Variants in SCAF8 observed in about 807,000 individuals in gnomAD.
SCAF8 encodes the protein SR-related CTD associated factor 8, also known as SR-related and CTD-associated factor 8.
Under a neutral mutation model 140.5 loss-of-function variants are expected in SCAF8, and 23 were observed. The observed-to-expected ratio is 0.16, with a 90% CI of 0.12 to 0.23. The LOEUF (loss-of-function observed/expected upper bound fraction) is 0.23. Ranked by LOEUF, SCAF8 falls within the 10% of genes least tolerant of loss-of-function variation. SCAF8 has a pLI of 1.00. For synonymous variants in SCAF8, 575 were observed against 528.9 expected (o/e 1.09, Z -1.20); for missense variants, 1,397 against 1,555.7 (o/e 0.90, Z 1.72).
rs773792042 is a variant in SCAF8 at position 154,832,820 on chromosome 6, C to G, written c.3241C>G (p.Arg1081Gly). Residue 1081 changes from arginine to glycine, a missense_variant, in exon 20 of 20, where the codon CGA (arginine) becomes GGA (glycine). Physicochemically the swap from Arg to Gly is moderately radical, Grantham distance 125. Transcript: ENST00000367178. Reference protein sequence around the residue: ...LVRPGIDHLGRRDHFGFNPEK... With the variant: ...LVRPGIDHLGGRDHFGFNPEK... The stretch of plus-strand genomic sequence containing the variant: ...GAGGCCAGGTATAGATCATCTTGGT[C>G]GAAGAGACCACTTTGGCTTTAATCC... 2 of 1,613,644 alleles carry G rather than the reference C, an allele frequency of 1.2e-6. No homozygotes were observed. The highest frequency in any genetic ancestry group is 4.5e-5 in the East Asian group (2 of 44,856).
chr6:154,758,507 C>T (rs903453121), intron 1 of SCAF8, among the ~76,000 whole-genome samples: 5 of 152,118 alleles, frequency 3.3e-5, no homozygotes, highest in African/African-American at 7.2e-5. Context: ...TTCATGCAGG[C>T]GTAATTCTAG....
intron 14 of SCAF8, 106 bp downstream of exon 14, chr6:154,818,698 TG>T (rs1778325667): frequency 2.0e-6 from 1 of 510,674 alleles, no homozygotes; most frequent in Non-Finnish European, 3.5e-6. Flanking sequence ...CTTCTTTTAT[TG>T]GATTATTAGA....
In SCAF8 at chr6:154,830,953, G is replaced by A. The variant is rs138080868; in HGVS notation, c.2172G>A (p.Pro724=). The A allele has an allele frequency of 7.4e-6, 12 of 1,613,850 alleles. No homozygotes were observed. The highest frequency in any genetic ancestry group is 2.7e-5 in the African/African-American group (2 of 74,880). The change falls in exon 19 of 20, where the codon CCG becomes CCA. Residue 724 remains proline, a synonymous_variant. Transcript: ENST00000367178. ...SLVQPSLSMT[P]ETVKDVGFGS... is the part of the protein sequence containing the mutation. ...TGCAGCCGTCATTATCCATGACACC[G>A]GAAACTGTGAAAGATGTTGGATTTG... is the stretch of plus-strand genomic sequence containing the variant.
intron 1 of SCAF8, among the ~76,000 whole-genome samples, chr6:154,768,003 A>G (rs117755875): frequency 9.2e-5 from 14 of 152,314 alleles, no homozygotes; most frequent in Non-Finnish European, 1.6e-4. Flanking sequence ...GTCTGTAGGT[A>G]TGCCTTTCTT....
chr6:154,785,782 T>G (rs565075808), intron 3 of SCAF8, among the ~76,000 whole-genome samples: 29 of 152,322 alleles, frequency 1.9e-4, no homozygotes, highest in African/African-American at 6.5e-4. Flanking sequence ...AGATGACAAC[T>G]TGGATGACAA....
rs1318395123 is a variant in SCAF8, at chr6:154,815,791, A to T, written c.1496A>T (p.Glu499Val). 6.2e-7 allele frequency: 1 copy of T among 1,611,676 alleles called. No individual in the cohort carries two copies. Among genetic ancestry groups the T allele is most frequent in the Admixed American group, 1.7e-5 (1 of 59,998 alleles). Residue 499 changes from glutamate (E) to valine (V), a missense_variant, in exon 13 of 20, where the codon GAG (glutamate) becomes GTG (valine). Glu to Val is a moderately radical substitution (Grantham distance 121). Around this residue, in one of 5 missense-constraint regions of SCAF8, gnomAD observed 59 missense variants for 110.7 expected, o/e 0.53. Coordinates refer to ENST00000367178, the MANE Select transcript of SCAF8 (RefSeq NM_014892.5). ...CAAGACTTAACCAACCTGTTTGAAG[A>T]GTTTGGACAGATTGAATCCATTAAT... ...TQQDLTNLFE[E>V]FGQIESINMI...
At chr6:154,801,019 C>T (rs1194650898) in intron 6 of SCAF8, among the ~76,000 whole-genome samples, 1 of 151,358 alleles carries the variant, frequency 6.6e-6, no homozygotes, top group Admixed American at 6.6e-5. Flanking sequence ...AAATTGGATG[C>T]TCCAGTGGTT....
At chr6:154,794,526 A>G (rs1169468638) in intron 5 of SCAF8, among the ~76,000 whole-genome samples, 1 of 152,052 alleles carries the variant, frequency 6.6e-6, no homozygotes, top group Non-Finnish European at 1.5e-5. Flanking sequence ...TTTTCACAGT[A>G]TAGTTTATTA....
chr6:154,819,928 G>A (rs999683420), intron 14 of SCAF8, among the ~76,000 whole-genome samples: 2 of 151,748 alleles, frequency 1.3e-5, no homozygotes, highest in Admixed American at 6.6e-5. Flanking sequence ...GAAGGTCAAG[G>A]CAGTGAACCA....
chr6:154,795,725 A>C (rs1777581955), intron 6 of SCAF8, among the ~76,000 whole-genome samples: 1 of 152,330 alleles, frequency 6.6e-6, no homozygotes, highest in Middle Eastern at 3.4e-3. Context: ...GAATAGAAGA[A>C]GGCTTCTGTG....
rs751912706 is a variant in SCAF8 at position 154,832,428 on chromosome 6, G to A, written c.2849G>A (p.Arg950Gln). The change falls in exon 20 of 20, where the codon CGG becomes CAG. Residue 950 changes from arginine (R) to glutamine (Q), a missense_variant. Coordinates refer to ENST00000367178, the MANE Select transcript of SCAF8 (RefSeq NM_014892.5). ...PLIQPGIPPQ[R>Q]GIPPPSVLDS... is the part of the protein sequence containing the mutation. The stretch of plus-strand genomic sequence containing the variant: ...ATACAGCCTGGAATTCCACCCCAAC[G>A]GGGAATCCCACCCCCATCGGTACTT... 1.7e-5 allele frequency: 28 copies of A among 1,614,034 alleles called. No individual in the cohort carries two copies. Among genetic ancestry groups the A allele is most frequent in the Middle Eastern group, 1.6e-4 (1 of 6,062 alleles).
At chr6:154,793,684 G>A (rs948478349) in intron 5 of SCAF8, among the ~76,000 whole-genome samples, 5 of 151,526 alleles carry the variant, frequency 3.3e-5, no homozygotes, top group African/African-American at 1.2e-4. Context: ...GTGTGGTAGT[G>A]GGTGCCTGTA....
chr6:154,820,457 A>T (rs1778386344), intron 15 of SCAF8, 124 bp downstream of exon 15: 1 of 714,320 alleles, frequency 1.4e-6, no homozygotes, highest in African/African-American at 1.8e-5. Context: ...AAGAGAAAAG[A>T]TACATTACTA....
At chr6:154,827,836 G>GGGC (rs1778610675) in intron 18 of SCAF8, among the ~76,000 whole-genome samples, 1 of 100,408 alleles carries the variant, frequency 1.0e-5, no homozygotes, top group African/African-American at 3.9e-5. Flanking sequence ...GGGCGGGGCG[G>GGGC]GGGGGGGGGC....
At chr6:154,741,489 C>T (rs1424474256) in intron 1 of SCAF8, among the ~76,000 whole-genome samples, 1 of 152,042 alleles carries the variant, frequency 6.6e-6, no homozygotes, top group Non-Finnish European at 1.5e-5. Flanking sequence ...TCACTGCAAC[C>T]TCCGCCTCCT....
At chr6:154,790,185 G>T (rs1163810706) in intron 4 of SCAF8, among the ~76,000 whole-genome samples, 1 of 152,122 alleles carries the variant, frequency 6.6e-6, no homozygotes, top group Non-Finnish European at 1.5e-5. Context: ...GTTGTTAGGT[G>T]CTGGCCAGTT....
intron 3 of SCAF8, among the ~76,000 whole-genome samples, chr6:154,785,677 T>C (rs575018171): frequency 1.1e-5 from 1 of 87,182 alleles, no homozygotes; most frequent in South Asian, 3.9e-4. Flanking sequence ...ATTCTAAAAA[T>C]AGGATAATTA....
Position 154,830,912 on chromosome 6 carries a change from C to G in SCAF8, c.2141-10C>G. 1.2e-6 allele frequency: 2 copies of G among 1,608,890 alleles called. No individual in the cohort carries two copies. The highest frequency in any genetic ancestry group is 2.2e-5 in the East Asian group (1 of 44,816). ...TAAATCTGAAATATATTTTTCTCCT[C>G]TTTAAACAGCTTTAGTGCAGCCGTC... is the stretch of plus-strand genomic sequence containing the variant. On this transcript the variant is annotated splice_polypyrimidine_tract_variant and intron_variant, in intron 18 of 19. Coordinates refer to ENST00000367178, the MANE Select transcript of SCAF8 (RefSeq NM_014892.5).
At chr6:154,773,951 G>C (rs1776847374) in intron 1 of SCAF8, 38 bp from the exon 2 acceptor site, 2 of 1,272,986 alleles carry the variant, frequency 1.6e-6, no homozygotes, top group Non-Finnish European at 2.3e-6. Flanking sequence ...ATTGCTTGGA[G>C]AGTTTTGCTG....
Sources: allele counts gnomAD v4.1 joint callset (sites outside exome capture counted in the v4.1 genomes callset), GRCh38; gene constraint gnomAD v4.1.1; regional missense constraint gnomAD v4.1.1; transcripts MANE v1.5; gene names NCBI Gene and HGNC (gene_info 2026-07-23, HGNC 2026-07-21).